FKBP6: variants seen among roughly 807,000 people sequenced by gnomAD.
FKBP6 encodes inactive peptidyl-prolyl cis-trans isomerase FKBP6.
A neutral mutation model predicts 41.7 loss-of-function variants in FKBP6; 29 were observed. The ratio of observed to expected loss-of-function variants is 0.70; its 90% CI spans 0.52 to 0.95. The LOEUF is 0.95. Among genes scored for constraint, FKBP6 ranks in the 40% least tolerant of loss-of-function variants. The probability of loss-of-function intolerance (pLI) is 0.00; values close to 1 mark genes in which losing one functional copy is unlikely to be tolerated. For synonymous variants in FKBP6, 130 were observed against 165.1 expected (o/e 0.79, Z 1.63); for missense variants, 338 against 408.7 (o/e 0.83, Z 1.49).
intron 5 of FKBP6, among the ~76,000 whole-genome samples, chr7:73,333,002 T>C (rs1804894677): frequency 6.6e-6 from 1 of 152,230 alleles, no homozygotes; most frequent in Admixed American, 6.5e-5. Flanking sequence ...CTGGACGCAG[T>C]GGCTCATGCC....
At chr7:73,342,551 G>C (rs1162503939) in intron 7 of FKBP6, among the ~76,000 whole-genome samples, 1 of 152,216 alleles carries the variant, frequency 6.6e-6, no homozygotes, top group African/African-American at 2.4e-5. Flanking sequence ...CCGGAGCCTG[G>C]TGGCCAGAGG....
At chr7:73,336,815 A>C (rs537504652) in intron 5 of FKBP6, 14 of 456,670 alleles carry the variant, frequency 3.1e-5, no homozygotes, top group Middle Eastern at 6.5e-4. Flanking sequence ...GAATGTGTTA[A>C]AGCAGCTGTG....
chr7:73,356,993 C>G (rs1397366963), intron 8 of FKBP6, among the ~76,000 whole-genome samples: 1 of 152,106 alleles, frequency 6.6e-6, no homozygotes, highest in African/African-American at 2.4e-5. Flanking sequence ...GTTGGCCAGG[C>G]TGATTTTGAA....
At position 73,342,871 on chromosome 7, in the gene FKBP6, G is replaced by A. The variant is rs782776540; in HGVS notation, c.958G>A (p.Asp320Asn). 1.1e-5 allele frequency: 18 copies of A among 1,613,694 alleles called. No homozygotes were observed. The highest frequency in any genetic ancestry group is 5.5e-5 in the South Asian group (5 of 91,084). The change falls in exon 8 of 9, where the codon GAT becomes AAT. Residue 320 changes from aspartate (D) to asparagine (N), a missense_variant. By Grantham distance (23) the Asp-to-Asn change is conservative. Transcript: ENST00000252037. ...GCACCGCATGTTCGCGCCCTGTGGC[G>A]ATGGTTCTACAGCAGGAGAAAGTTG... Reference protein sequence around the residue: ...MWHRMFAPCGDGSTAGES With the variant: ...MWHRMFAPCGNGSTAGES
At chr7:73,330,544 G>C (rs1472527889) in intron 4 of FKBP6, among the ~76,000 whole-genome samples, 192 bp downstream of exon 4, 1 of 152,188 alleles carries the variant, frequency 6.6e-6, no homozygotes, top group Non-Finnish European at 1.5e-5. Context: ...CTCATGTGTA[G>C]ATAAATGTGC....
chr7:73,356,552 A>G (rs534312047), intron 8 of FKBP6, among the ~76,000 whole-genome samples: 1 of 152,348 alleles, frequency 6.6e-6, no homozygotes, highest in South Asian at 2.1e-4. Context: ...CATTACTAGC[A>G]TTAGCAGTTC....
At chr7:73,336,771 G>C (rs782264639) in intron 5 of FKBP6, 4 of 456,642 alleles carry the variant, frequency 8.8e-6, no homozygotes, top group South Asian at 6.2e-5. Flanking sequence ...ACCGTGCTGG[G>C]TGTGCTGCGG....
chr7:73,333,360 A>G (rs999313337), intron 5 of FKBP6, among the ~76,000 whole-genome samples: 1 of 152,168 alleles, frequency 6.6e-6, no homozygotes, highest in Non-Finnish European at 1.5e-5. Flanking sequence ...CTGTCACCCA[A>G]TATCTATTCC....
rs564233247 is a variant in FKBP6, at chr7:73,331,788, T to C, written c.588+12T>C. 9 of 1,612,630 alleles carry C rather than the reference T, an allele frequency of 5.6e-6. No individual in the cohort carries two copies. The African/African-American group carries it at 9.3e-5, about 17-fold the overall frequency. ...TGAGATATAAAAGGGTGAGAATGCT[T>C]TGAAAGTTAAGTGTAAGTTTAGATC... On this transcript the variant is annotated intron_variant, in intron 5 of 8. Transcript: ENST00000252037.
chr7:73,354,333 A>C (rs1359853179), intron 8 of FKBP6, among the ~76,000 whole-genome samples: 1 of 152,174 alleles, frequency 6.6e-6, no homozygotes, highest in Non-Finnish European at 1.5e-5. Context: ...GTGGAGCACG[A>C]GGGTGGCTGC....
chr7:73,334,477 A>G (rs1467874289), intron 5 of FKBP6, among the ~76,000 whole-genome samples: 8 of 136,856 alleles, frequency 5.8e-5, no homozygotes, highest in Non-Finnish European at 1.2e-4. Context: ...ACCTCTTCTG[A>G]TGAATTTTTC....
At chr7:73,357,463 T>C (rs1236123144) in intron 8 of FKBP6, among the ~76,000 whole-genome samples, 1 of 151,848 alleles carries the variant, frequency 6.6e-6, no homozygotes, top group Non-Finnish European at 1.5e-5. Flanking sequence ...TTTAATCATG[T>C]TGGCTAGGCT....
chr7:73,328,380 C>T lies in FKBP6; in HGVS notation c.-49C>T, dbSNP rs1295614805. On this transcript the variant is annotated 5_prime_UTR_variant, in exon 1 of 9. Transcript: ENST00000252037. ...CCAGAGTCACAGCCAGGGAGGGCAG[C>T]GGGGCGCACCAGGCCGAAGGCTCAC... 36 of 1,569,420 alleles carry T rather than the reference C, an allele frequency of 2.3e-5. No homozygotes were observed. The highest frequency in any genetic ancestry group is 2.8e-5 in the Non-Finnish European group (33 of 1,158,248).
chr7:73,342,682 C>T (rs557515366), intron 7 of FKBP6, 125 bp from the exon 8 acceptor site: 294 of 782,162 alleles, frequency 3.8e-4, no homozygotes, highest in Non-Finnish European at 6.3e-4. Flanking sequence ...TTCCATCCCT[C>T]CCAACTCAGT....
At chr7:73,330,089 C>T (rs569785983) in intron 3 of FKBP6, 61 bp from the exon 4 acceptor site, 1 of 1,278,196 alleles carries the variant, frequency 7.8e-7, no homozygotes, top group East Asian at 2.3e-5. Context: ...GGGGAAGAAA[C>T]TGATAGCACT....
At chr7:73,357,860 T>C (rs1219689921) in intron 8 of FKBP6, among the ~76,000 whole-genome samples, 11 of 151,712 alleles carry the variant, frequency 7.3e-5, no homozygotes, top group African/African-American at 2.7e-4. Context: ...TGGTGGTGCG[T>C]GCCTGTAATC....
chr7:73,339,222 C>T (rs1466247787), intron 5 of FKBP6: 5 of 152,170 alleles, frequency 3.3e-5, no homozygotes, highest in Admixed American at 1.3e-4. Flanking sequence ...GTTTTAACTC[C>T]TACTTTTAGG....
chr7:73,354,515 G>A (rs936096252), intron 8 of FKBP6, among the ~76,000 whole-genome samples: 8 of 152,228 alleles, frequency 5.3e-5, no homozygotes, highest in Admixed American at 4.6e-4. Context: ...GCCGCCTTGC[G>A]GGCTGGCCAG....
intron 4 of FKBP6, among the ~76,000 whole-genome samples, chr7:73,331,099 C>T (rs1287047252): frequency 6.6e-6 from 1 of 152,176 alleles, no homozygotes; most frequent in African/African-American, 2.4e-5. Context: ...CTCGTCCCAC[C>T]TGTGGTGAAC....
Sources: allele counts gnomAD v4.1 joint callset (sites outside exome capture counted in the v4.1 genomes callset), GRCh38; gene constraint gnomAD v4.1.1; transcripts MANE v1.5; gene names NCBI Gene and HGNC (gene_info 2026-07-23, HGNC 2026-07-21).